Variants in XKR4 observed in about 807,000 individuals in gnomAD.
XKR4 encodes XK related 4, also known as XK-related protein 4.
XKR4 carries 12 observed loss-of-function variants against 53.9 expected under a neutral mutation model. The observed-to-expected ratio is 0.22, with a 90% CI of 0.14 to 0.36. The LOEUF (loss-of-function observed/expected upper bound fraction) is 0.36, where lower values mean the gene tolerates loss of function less well. Among genes scored for constraint, XKR4 ranks in the 10% least tolerant of loss-of-function variants. The pLI is 1.00. For synonymous variants in XKR4, 354 were observed against 362.4 expected (o/e 0.98, Z 0.26); for missense variants, 799 against 859.5 (o/e 0.93, Z 0.88).
At chr8:55,357,589 TG>T in intron 1 of XKR4, 88 bp from the exon 2 acceptor site, 2 of 1,382,350 alleles carry the variant, frequency 1.4e-6, no homozygotes, top group Non-Finnish European at 2.0e-6. Flanking sequence ...TGCTTGCATA[TG>T]GTGGCTTGCA....
chr8:55,150,543 C>T (rs1415575371), intron 1 of XKR4, among the ~76,000 whole-genome samples: 1 of 152,158 alleles, frequency 6.6e-6, no homozygotes, highest in African/African-American at 2.4e-5. Flanking sequence ...CATTCCTCAG[C>T]TCACCCCCGG....
intron 1 of XKR4, among the ~76,000 whole-genome samples, chr8:55,308,435 A>C (rs1473202714): frequency 6.6e-6 from 1 of 152,140 alleles, no homozygotes; most frequent in Non-Finnish European, 1.5e-5. Flanking sequence ...AGTGTGTGTG[A>C]AGGAGGAACT....
intron 1 of XKR4, among the ~76,000 whole-genome samples, chr8:55,192,456 CTACT>C (rs1338808576): frequency 6.6e-6 from 1 of 151,902 alleles, no homozygotes; most frequent in Non-Finnish European, 1.5e-5. Context: ...TTTTTTATAC[CTACT>C]TATTTTGCAG....
intron 1 of XKR4, among the ~76,000 whole-genome samples, chr8:55,259,800 A>T (rs1002193013): frequency 3.9e-5 from 6 of 152,206 alleles, no homozygotes; most frequent in African/African-American, 1.4e-4. Flanking sequence ...ACATTTAGAA[A>T]TGGGAAATTC....
chr8:55,307,269 A>C (rs1819316510), intron 1 of XKR4, among the ~76,000 whole-genome samples: 1 of 152,226 alleles, frequency 6.6e-6, no homozygotes, highest in Non-Finnish European at 1.5e-5. Context: ...CCTAGAAGTT[A>C]CAAAGAACTC....
At chr8:55,304,925 A>T (rs1347949712) in intron 1 of XKR4, among the ~76,000 whole-genome samples, 1 of 152,120 alleles carries the variant, frequency 6.6e-6, no homozygotes, top group African/African-American at 2.4e-5. Flanking sequence ...GATAAGCTTC[A>T]TCATAACAGA....
intron 1 of XKR4, among the ~76,000 whole-genome samples, chr8:55,301,822 T>C (rs1819203956): frequency 6.6e-6 from 1 of 152,208 alleles, no homozygotes; most frequent in African/African-American, 2.4e-5. Flanking sequence ...TCATATCCTT[T>C]GCCCACTTTT....
At chr8:55,281,166 G>GA (rs1818840564) in intron 1 of XKR4, among the ~76,000 whole-genome samples, 1 of 152,262 alleles carries the variant, frequency 6.6e-6, no homozygotes, top group South Asian at 2.1e-4. Context: ...TCCCTCTGCA[G>GA]GAGCTGGGCA....
At chr8:55,122,806 T>A (rs573194990) in intron 1 of XKR4, among the ~76,000 whole-genome samples, 1 of 152,268 alleles carries the variant, frequency 6.6e-6, no homozygotes, top group Admixed American at 6.5e-5. Context: ...CTTTTTTTTT[T>A]CCTTCTGTTT....
intron 1 of XKR4, among the ~76,000 whole-genome samples, chr8:55,112,160 A>T (rs1362500779): frequency 6.6e-6 from 1 of 152,224 alleles, no homozygotes; most frequent in East Asian, 1.9e-4. Context: ...TGAACAAAGT[A>T]TGTCAAACTA....
intron 1 of XKR4, among the ~76,000 whole-genome samples, chr8:55,292,759 G>A (rs913902454): frequency 6.6e-6 from 1 of 152,088 alleles, no homozygotes; most frequent in Non-Finnish European, 1.5e-5. Flanking sequence ...TTTCTAATGT[G>A]AGTGTTTAGT....
chr8:55,254,148 G>A (rs1461403463), intron 1 of XKR4, among the ~76,000 whole-genome samples: 1 of 151,844 alleles, frequency 6.6e-6, no homozygotes, highest in Non-Finnish European at 1.5e-5. Flanking sequence ...TTCTTTAATC[G>A]AGCCTTTCTT....
intron 1 of XKR4, among the ~76,000 whole-genome samples, chr8:55,290,581 T>C (rs1022856612): frequency 6.6e-6 from 1 of 151,914 alleles, no homozygotes. Context: ...TCCCTCCCCC[T>C]GCACCACCCC....
At chr8:55,251,369 A>C (rs1321780861) in intron 1 of XKR4, among the ~76,000 whole-genome samples, 1 of 152,230 alleles carries the variant, frequency 6.6e-6, no homozygotes, top group African/African-American at 2.4e-5. Flanking sequence ...TCAGCTGCTG[A>C]ATTTTAGAGG....
intron 1 of XKR4, among the ~76,000 whole-genome samples, chr8:55,349,454 G>A (rs1803697599): frequency 6.6e-6 from 1 of 152,104 alleles, no homozygotes; most frequent in Admixed American, 6.6e-5. Flanking sequence ...ATATCACCTT[G>A]GACATCTGAT....
chr8:55,256,005 C>A (rs568091774), intron 1 of XKR4, among the ~76,000 whole-genome samples: 2 of 150,606 alleles, frequency 1.3e-5, no homozygotes, highest in East Asian at 1.9e-4. Flanking sequence ...TGCCGGGGTG[C>A]GTCAAGCCCT....
chr8:55,310,575 A>G (rs1819374848), intron 1 of XKR4, among the ~76,000 whole-genome samples: 1 of 152,182 alleles, frequency 6.6e-6, no homozygotes, highest in African/African-American at 2.4e-5. Context: ...ATGGCATATA[A>G]TTTTGTAGAA....
chr8:55,433,948 C>G (rs1805137951), intron 2 of XKR4, among the ~76,000 whole-genome samples: 1 of 152,136 alleles, frequency 6.6e-6, no homozygotes, highest in Non-Finnish European at 1.5e-5. Flanking sequence ...GGAAGGATTG[C>G]TTCATAGCCG....
chr8:55,284,333 T>A (rs1411240404), intron 1 of XKR4, among the ~76,000 whole-genome samples: 2 of 152,218 alleles, frequency 1.3e-5, no homozygotes, highest in Non-Finnish European at 2.9e-5. Context: ...TTCTCACAAT[T>A]TCCATGGGCC....
Sources: allele counts gnomAD v4.1 joint callset (sites outside exome capture counted in the v4.1 genomes callset), GRCh38; gene constraint gnomAD v4.1.1; transcripts MANE v1.5; gene names NCBI Gene and HGNC (gene_info 2026-07-23, HGNC 2026-07-21).